Variants in EHMT1 observed in about 807,000 individuals in gnomAD.
EHMT1 encodes the protein euchromatic histone lysine methyltransferase 1, also known as histone-lysine N-methyltransferase EHMT1.
Under a neutral mutation model 147.2 loss-of-function variants are expected in EHMT1, and 15 were observed. The ratio of observed to expected loss-of-function variants is 0.10; its 90% CI spans 0.07 to 0.16. The LOEUF (loss-of-function observed/expected upper bound fraction) is 0.16, where lower values mean the gene tolerates loss of function less well. Ranked by LOEUF, EHMT1 falls within the 10% of genes least tolerant of loss-of-function variation. The probability of loss-of-function intolerance (pLI) is 1.00; values close to 1 mark genes in which losing one functional copy is unlikely to be tolerated. For missense variants in EHMT1, 1,587 were observed against 1,772.4 expected (o/e 0.90, Z 1.88); for synonymous variants, 795 against 709.6 (o/e 1.12, Z -1.91).
At chr9:137,660,132 C>T (rs1008155668) in intron 1 of EHMT1, among the ~76,000 whole-genome samples, 4 of 151,694 alleles carry the variant, frequency 2.6e-5, no homozygotes, top group African/African-American at 7.3e-5. Flanking sequence ...CTCAAGAGCT[C>T]GAGACCAGCC....
At chr9:137,729,206 G>A (rs1480738310) in intron 4 of EHMT1, among the ~76,000 whole-genome samples, 4 of 152,140 alleles carry the variant, frequency 2.6e-5, no homozygotes, top group Non-Finnish European at 4.4e-5. Flanking sequence ...GAGGTCAGCC[G>A]GCCCTCGTGA....
intron 1 of EHMT1, among the ~76,000 whole-genome samples, chr9:137,659,132 A>G (rs1373679169): frequency 6.6e-6 from 1 of 152,048 alleles, no homozygotes; most frequent in Non-Finnish European, 1.5e-5. Flanking sequence ...TGTGCCATCA[A>G]ATACTAGATC....
intron 18 of EHMT1, among the ~76,000 whole-genome samples, chr9:137,804,387 G>A (rs1242897673): frequency 6.6e-6 from 1 of 152,160 alleles, no homozygotes; most frequent in Non-Finnish European, 1.5e-5. Flanking sequence ...TTGATGTTAA[G>A]CATCTTTTTA....
intron 4 of EHMT1, among the ~76,000 whole-genome samples, chr9:137,742,136 G>A (rs765204594): frequency 2.0e-5 from 3 of 152,148 alleles, no homozygotes; most frequent in Non-Finnish European, 4.4e-5. Context: ...GTTTCCCAGC[G>A]TCCGTGGTCC....
chr9:137,706,175 C>A (rs1278147381), intron 1 of EHMT1, among the ~76,000 whole-genome samples: 1 of 152,164 alleles, frequency 6.6e-6, no homozygotes, highest in Non-Finnish European at 1.5e-5. Context: ...GTTGGCGAGT[C>A]CTGGACCATC....
chr9:137,758,290 C>T (rs1280653169), intron 9 of EHMT1, among the ~76,000 whole-genome samples: 1 of 152,248 alleles, frequency 6.6e-6, no homozygotes, highest in Admixed American at 6.5e-5. Context: ...CAGGCGTGCT[C>T]CGTGGAGGAT....
At chr9:137,675,869 C>T (rs1941241963) in intron 1 of EHMT1, among the ~76,000 whole-genome samples, 1 of 145,486 alleles carries the variant, frequency 6.9e-6, no homozygotes, top group Admixed American at 6.8e-5. Flanking sequence ...CTGCAAGCTC[C>T]GCCTCCCGGG....
At position 137,720,301 on chromosome 9, in the gene EHMT1, T is replaced by C. The variant is rs958471557; in HGVS notation, c.642+3119T>C. Among the ~76,000 whole-genome samples, 72 of 151,972 alleles carry C rather than the reference T, an allele frequency of 4.7e-4. 1 individual carries two copies. Among genetic ancestry groups the C allele is most frequent in the Non-Finnish European group, 2.1e-4 (14 of 68,004 alleles). ...CATCTGCAGATTCCATTTTTATAAT[T>C]TTGTCATTTCTTTTTTTTTTAAGAC... On this transcript the variant is annotated intron_variant, in intron 3 of 26. Transcript: ENST00000460843.
chr9:137,685,069 G>T (rs1000143504), intron 1 of EHMT1, among the ~76,000 whole-genome samples: 2 of 151,914 alleles, frequency 1.3e-5, no homozygotes, highest in Admixed American at 6.6e-5. Context: ...CCCCTTGCTG[G>T]TTTTTTTATT....
intron 10 of EHMT1, among the ~76,000 whole-genome samples, chr9:137,774,471 G>A (rs1210643919): frequency 3.9e-5 from 5 of 129,626 alleles, no homozygotes; most frequent in South Asian, 2.6e-4. Context: ...GTGTGGGCAC[G>A]CCTGCCCCCT....
intron 1 of EHMT1, among the ~76,000 whole-genome samples, chr9:137,634,231 A>T (rs753092760): frequency 6.6e-6 from 1 of 152,050 alleles, no homozygotes; most frequent in Admixed American, 6.6e-5. Context: ...TGATTGCCCA[A>T]TCCAAACCAG....
chr9:137,727,151 A>G (rs1452274914), intron 3 of EHMT1, among the ~76,000 whole-genome samples: 118 of 152,246 alleles, frequency 7.8e-4, no homozygotes, highest in Non-Finnish European at 4.4e-5. Context: ...TAATTTTTGT[A>G]AATTTTTCTT....
chr9:137,715,413 AACAG>A (rs1945118156), intron 2 of EHMT1: 6 of 367,524 alleles, frequency 1.6e-5, no homozygotes, highest in Non-Finnish European at 2.3e-5. Flanking sequence ...TACACTGGTA[AACAG>A]ACAGGGCATT....
rs772393951 is a variant in EHMT1 at position 137,834,472 on chromosome 9, C to T, written c.3664C>T (p.Pro1222Ser). The stretch of plus-strand genomic sequence containing the variant: ...CATGGCCCACCAGGACCTGCGGTTC[C>T]CCCGGATCGCCTTCTTCAGCACCCG... ...VFMAHQDLRF[P>S]RIAFFSTRLI... The change falls in exon 26 of 27, where the codon CCC (proline) becomes TCC (serine). Residue 1222 changes from proline to serine, a missense_variant. By Grantham distance (74) the Pro-to-Ser change is moderately conservative. Transcript: ENST00000460843. 1 of 1,612,810 alleles carries T rather than the reference C, an allele frequency of 6.2e-7. No individual in the cohort carries two copies. The highest frequency in any genetic ancestry group is 1.1e-5 in the South Asian group (1 of 91,078).
chr9:137,647,077 C>T (rs1844946279), intron 1 of EHMT1, among the ~76,000 whole-genome samples: 1 of 152,210 alleles, frequency 6.6e-6, no homozygotes, highest in Non-Finnish European at 1.5e-5. Context: ...CTCCGTTTGG[C>T]TTCTAGAACA....
intron 25 of EHMT1, chr9:137,833,071 C>T (rs1407013279): frequency 1.3e-5 from 2 of 152,350 alleles, no homozygotes; most frequent in Non-Finnish European, 2.9e-5. Context: ...TTGTCACTGC[C>T]CGCGCCGTGA....
intron 19 of EHMT1, among the ~76,000 whole-genome samples, chr9:137,812,760 C>G (rs554406842): frequency 6.6e-6 from 1 of 152,376 alleles, no homozygotes; most frequent in East Asian, 1.9e-4. Context: ...ATTTTACACT[C>G]TTCCTGCTAA....
At chr9:137,636,128 G>A (rs1433993247) in intron 1 of EHMT1, among the ~76,000 whole-genome samples, 1 of 151,942 alleles carries the variant, frequency 6.6e-6, no homozygotes, top group South Asian at 2.1e-4. Flanking sequence ...CACCATTTTG[G>A]CCAGGCTGAT....
chr9:137,739,028 A>C lies in EHMT1; in HGVS notation c.824-4343A>C, dbSNP rs72766939. On this transcript the variant is annotated intron_variant, in intron 4 of 26. Transcript: ENST00000460843. ...TTAATACCATGGAACCGTGCACTTA[A>C]AGATGATGAAGATGGTAAATTTTGT... Among the ~76,000 whole-genome samples the C allele has an allele frequency of 7.1e-3, 1,084 of 152,128 alleles. 12 individuals are homozygous for C. Among genetic ancestry groups the C allele is most frequent in the Middle Eastern group, 0.017 (5 of 292 alleles).
Sources: gnomAD v4.1 joint callset for allele counts (sites outside exome capture counted in the v4.1 genomes callset) on GRCh38, gnomAD v4.1.1 for gene constraint, MANE v1.5 for transcripts, NCBI Gene and HGNC (gene_info 2026-07-23, HGNC 2026-07-21) for gene names.